Variants in RPS6KC1 observed in about 807,000 individuals in gnomAD.
The protein encoded by RPS6KC1 is inactive ribosomal protein S6 kinase delta-1.
In RPS6KC1, 54 loss-of-function variants were observed where a neutral mutation model predicts 103.8. The ratio of observed to expected loss-of-function variants is 0.52; its 90% CI spans 0.42 to 0.65. The LOEUF is 0.65. Among genes scored for constraint, RPS6KC1 ranks in the 30% least tolerant of loss-of-function variants. The pLI is 0.00. For synonymous variants in RPS6KC1, 439 were observed against 438.7 expected, an observed-to-expected ratio of 1.00 and a Z score of -0.01; for missense variants, 1,151 against 1,253.8, an observed-to-expected ratio of 0.92 and a Z score of 1.24.
intron 12 of RPS6KC1, among the ~76,000 whole-genome samples, chr1:213,253,178 T>C (rs1034054194): frequency 6.6e-6 from 1 of 152,150 alleles, no homozygotes; most frequent in African/African-American, 2.4e-5. Flanking sequence ...CAACAGAATA[T>C]ATTGCCAGAA....
At chr1:213,389,285 C>T in the RPS6KC1 span, among the ~76,000 whole-genome samples, 2 of 152,166 alleles carry the variant, frequency 1.3e-5, no homozygotes, top group Non-Finnish European at 2.9e-5. Context: ...CTGCCAACCT[C>T]CCTTGCAGAG....
the RPS6KC1 span, among the ~76,000 whole-genome samples, chr1:213,641,317 T>A: frequency 6.6e-6 from 1 of 152,096 alleles, no homozygotes; most frequent in African/African-American, 2.4e-5. Flanking sequence ...ATATACTGAG[T>A]AATTTTGGAT....
At chr1:213,805,139 T>C in the RPS6KC1 span, among the ~76,000 whole-genome samples, 5 of 152,248 alleles carry the variant, frequency 3.3e-5, no homozygotes, top group Non-Finnish European at 7.3e-5. Context: ...GGCACCTTTT[T>C]GCTGGTGGAG....
the RPS6KC1 span, among the ~76,000 whole-genome samples, chr1:213,319,615 G>A: frequency 6.6e-6 from 1 of 152,178 alleles, no homozygotes; most frequent in Admixed American, 6.5e-5. Context: ...CTTTGCAGAT[G>A]TACCAGCACT....
the RPS6KC1 span, among the ~76,000 whole-genome samples, chr1:213,327,880 C>A: frequency 8.5e-5 from 13 of 152,088 alleles, no homozygotes; most frequent in African/African-American, 3.1e-4. Context: ...AAGTCTTGGT[C>A]GTCTCATCAG....
At chr1:213,792,048 C>G in the RPS6KC1 span, among the ~76,000 whole-genome samples, 6 of 152,182 alleles carry the variant, frequency 3.9e-5, no homozygotes, top group Non-Finnish European at 8.8e-5. Context: ...CAGGCAAGAT[C>G]ACCTGTTTTG....
intron 1 of RPS6KC1, among the ~76,000 whole-genome samples, chr1:213,053,964 T>C (rs1383532725): frequency 6.6e-6 from 1 of 152,012 alleles, no homozygotes; most frequent in Non-Finnish European, 1.5e-5. Context: ...GCCACTCAAG[T>C]AGCTGGGATT....
the RPS6KC1 span, among the ~76,000 whole-genome samples, chr1:213,466,097 C>T: frequency 6.6e-6 from 1 of 152,082 alleles, no homozygotes; most frequent in Non-Finnish European, 1.5e-5. Context: ...CCACCTGTCC[C>T]CCACAACCTC....
At chr1:213,087,105 T>G (rs1211275777) in intron 3 of RPS6KC1, among the ~76,000 whole-genome samples, 1 of 151,918 alleles carries the variant, frequency 6.6e-6, no homozygotes, top group Non-Finnish European at 1.5e-5. Flanking sequence ...TGTTTCACTT[T>G]ACCTTTTTTT....
chr1:213,094,531 C>CCGG (rs2081282408), intron 3 of RPS6KC1, among the ~76,000 whole-genome samples: 1 of 152,030 alleles, frequency 6.6e-6, no homozygotes, highest in Non-Finnish European at 1.5e-5. Context: ...CAAGCTATAT[C>CCGG]TGTCTGATTG....
chr1:213,432,740 A>G, the RPS6KC1 span, among the ~76,000 whole-genome samples: 3 of 130,316 alleles, frequency 2.3e-5, no homozygotes, highest in Non-Finnish European at 3.4e-5. Flanking sequence ...ACAGCATGTA[A>G]TCATTTCCCT....
At chr1:213,271,623 G>T (rs2095048952) in intron 14 of RPS6KC1, among the ~76,000 whole-genome samples, 1 of 152,122 alleles carries the variant, frequency 6.6e-6, no homozygotes, top group South Asian at 2.1e-4. Flanking sequence ...AATTAGCCGG[G>T]CATGGTGGCG....
chr1:213,306,643 G>A, the RPS6KC1 span, among the ~76,000 whole-genome samples: 1 of 152,216 alleles, frequency 6.6e-6, no homozygotes. Context: ...GGAAAGAATG[G>A]CAAGTAGGTT....
intron 5 of RPS6KC1, among the ~76,000 whole-genome samples, chr1:213,119,525 A>G (rs1297733882): frequency 2.8e-5 from 4 of 140,888 alleles, no homozygotes; most frequent in Non-Finnish European, 6.1e-5. Context: ...GGAGTGCAAT[A>G]GTCAGAAATG....
At chr1:213,800,117 C>T in the RPS6KC1 span, among the ~76,000 whole-genome samples, 10 of 152,218 alleles carry the variant, frequency 6.6e-5, no homozygotes, top group African/African-American at 1.9e-4. Flanking sequence ...ATCCGAATAC[C>T]GTCACATAGG....
chr1:213,480,496 T>A, the RPS6KC1 span, among the ~76,000 whole-genome samples: 1 of 152,120 alleles, frequency 6.6e-6, no homozygotes, highest in Admixed American at 6.5e-5. Flanking sequence ...GATGTACTTA[T>A]CAGTTCTAAT....
In RPS6KC1 at chr1:213,160,439, G is replaced by A. The variant is rs76770812; in HGVS notation, c.836-7419G>A. ...CTTTTAGTCCAATCATGCATCTTTT[G>A]GAATATGTTCACCTGTATTCCTTTT... On this transcript the variant is annotated intron_variant, in intron 6 of 14. Coordinates refer to ENST00000366960, the MANE Select transcript of RPS6KC1 (RefSeq NM_012424.6). Among the ~76,000 whole-genome samples, 1,289 of 152,176 alleles carry A rather than the reference G, an allele frequency of 8.5e-3. 8 individuals carry two copies. Among genetic ancestry groups the A allele is most frequent in the Non-Finnish European group, 0.012 (812 of 67,988 alleles).
At chr1:213,181,792 A>G (rs2092282866) in intron 8 of RPS6KC1, among the ~76,000 whole-genome samples, 1 of 152,206 alleles carries the variant, frequency 6.6e-6, no homozygotes, top group South Asian at 2.1e-4. Context: ...GAAGAAATGC[A>G]AAGAGAATTT....
At chr1:213,302,889 G>A in the RPS6KC1 span, among the ~76,000 whole-genome samples, 3 of 152,044 alleles carry the variant, frequency 2.0e-5, no homozygotes, top group Non-Finnish European at 4.4e-5. Context: ...TTTCATCCAC[G>A]GGACCTTTGA....
Sources: gnomAD v4.1 joint callset for allele counts (sites outside exome capture counted in the v4.1 genomes callset) on GRCh38, gnomAD v4.1.1 for gene constraint, MANE v1.5 for transcripts, NCBI Gene and HGNC (gene_info 2026-07-23, HGNC 2026-07-21) for gene names.